IMMP1L: variants seen among roughly 807,000 people sequenced by gnomAD.
The protein encoded by IMMP1L is inner mitochondrial membrane peptidase subunit 1.
Under a neutral mutation model 21.8 loss-of-function variants are expected in IMMP1L, and 24 were observed. The observed-to-expected ratio is 1.10, with a 90% CI of 0.80 to 1.55. The LOEUF is 1.55. IMMP1L is among the 40% of genes most tolerant of loss of function. IMMP1L has a pLI of 0.00. For synonymous variants in IMMP1L, 46 were observed against 62.8 expected (o/e 0.73, Z 1.26); for missense variants, 195 against 200.7 (o/e 0.97, Z 0.17).
rs533471095 is a variant in IMMP1L, at chr11:31,476,962, T to A, written c.-29-13657A>T. 1.1e-4 allele frequency among the ~76,000 whole-genome samples: 16 copies of A among 152,290 alleles called. No individual in the cohort carries two copies. In the South Asian group the frequency reaches 3.3e-3, roughly 32 times the overall value. On this transcript the variant is annotated intron_variant, in intron 1 of 5. Coordinates refer to ENST00000532287, the MANE Select transcript of IMMP1L (RefSeq NM_001304274.2). ...AACCTCCATCTAAAGGAAAAGTTAC[T>A]AAGAATCACTGATTTTTAAAAATAA...
chr11:31,445,509 G>A (rs924359876), intron 4 of IMMP1L, among the ~76,000 whole-genome samples: 8 of 152,148 alleles, frequency 5.3e-5, no homozygotes, highest in African/African-American at 1.9e-4. Context: ...CTTCAAAAAA[G>A]AAATGATTAA....
chr11:31,470,960 G>A (rs1333434234), intron 1 of IMMP1L, among the ~76,000 whole-genome samples: 2 of 152,186 alleles, frequency 1.3e-5, no homozygotes, highest in Non-Finnish European at 2.9e-5. Flanking sequence ...GATTATTAGA[G>A]GCTGGAAAGT....
chr11:31,463,338 A>C (rs1056478448), intron 1 of IMMP1L, 33 bp from the exon 2 acceptor site: 3 of 1,534,746 alleles, frequency 2.0e-6, no homozygotes, highest in Non-Finnish European at 2.6e-6. Context: ...TTCATGATCA[A>C]TACTATTTAA....
chr11:31,505,476 A>C (rs948233387), intron 1 of IMMP1L, among the ~76,000 whole-genome samples: 1 of 152,210 alleles, frequency 6.6e-6, no homozygotes, highest in East Asian at 1.9e-4. Context: ...ACATTAGGCA[A>C]TCTGGCAGAA....
chr11:31,437,453 G>A (rs903612698), intron 4 of IMMP1L, among the ~76,000 whole-genome samples: 3 of 152,022 alleles, frequency 2.0e-5, no homozygotes, highest in Admixed American at 6.6e-5. Flanking sequence ...ATTGGATTTC[G>A]CATATTCAGA....
Position 31,494,399 on chromosome 11 carries a change from G to T in IMMP1L, c.-30+15120C>A, listed in dbSNP as rs138916210. 2.6e-4 allele frequency among the ~76,000 whole-genome samples: 40 copies of T among 152,296 alleles called. 1 individual carries two copies. Among genetic ancestry groups the T allele is most frequent in the African/African-American group, 9.4e-4 (39 of 41,572 alleles). ...TGGAGCTGACACAGCTGGGATGCAG[G>T]ACACCATGCCCCAGGACTGCACAGA... On this transcript the variant is annotated intron_variant, in intron 1 of 5. Transcript: ENST00000532287.
intron 1 of IMMP1L, among the ~76,000 whole-genome samples, chr11:31,480,340 T>C (rs530032422): frequency 6.6e-6 from 1 of 152,172 alleles, no homozygotes; most frequent in South Asian, 2.1e-4. Context: ...CTTTTGATCA[T>C]ATCATCAATG....
chr11:31,469,407 A>T (rs1417075968), intron 1 of IMMP1L, among the ~76,000 whole-genome samples: 1 of 152,218 alleles, frequency 6.6e-6, no homozygotes, highest in Non-Finnish European at 1.5e-5. Flanking sequence ...AAATCTATTA[A>T]AAATCAAATG....
At chr11:31,488,069 A>AT (rs1208688417) in intron 1 of IMMP1L, 1 of 152,176 alleles carries the variant, frequency 6.6e-6, no homozygotes, top group Non-Finnish European at 1.5e-5. Flanking sequence ...TACAACAGTC[A>AT]TAAGAGTTAA....
At chr11:31,507,899 G>A (rs573294730) in intron 1 of IMMP1L, among the ~76,000 whole-genome samples, 46 of 152,100 alleles carry the variant, frequency 3.0e-4, no homozygotes, top group African/African-American at 9.4e-4. Flanking sequence ...TAACGATTCC[G>A]GAATGTACAT....
chr11:31,486,381 T>G (rs1174655354), intron 1 of IMMP1L, among the ~76,000 whole-genome samples: 3 of 151,880 alleles, frequency 2.0e-5, no homozygotes, highest in Non-Finnish European at 2.9e-5. Flanking sequence ...CTAAATAGAA[T>G]AAGTGTGCTA....
chr11:31,453,779 CT>C (rs763513345), intron 4 of IMMP1L, among the ~76,000 whole-genome samples: 6 of 152,160 alleles, frequency 3.9e-5, no homozygotes, highest in Non-Finnish European at 7.4e-5. Context: ...AATACTGCCC[CT>C]GATCAGAAAT....
At chr11:31,504,346 C>T (rs1026824325) in intron 1 of IMMP1L, among the ~76,000 whole-genome samples, 1 of 152,254 alleles carries the variant, frequency 6.6e-6, no homozygotes, top group East Asian at 1.9e-4. Context: ...AGAACTCCTA[C>T]AAATCCATGG....
At position 31,466,342 on chromosome 11, in the gene IMMP1L, G is replaced by A. The variant is rs183770004; in HGVS notation, c.-29-3037C>T. ...TTAGTACAGTCATGGAAAACAGTGT[G>A]GAGGTTTCTTTAAAAACTCTAGAGA... On this transcript the variant is annotated intron_variant, in intron 1 of 5. Coordinates refer to ENST00000532287, the MANE Select transcript of IMMP1L (RefSeq NM_001304274.2). Among the ~76,000 whole-genome samples, 1,066 of 152,112 alleles carry A rather than the reference G, an allele frequency of 7.0e-3. 15 individuals are homozygous for A. Among genetic ancestry groups the A allele is most frequent in the African/African-American group, 0.024 (1,011 of 41,528 alleles).
chr11:31,495,010 C>T (rs769623877), intron 1 of IMMP1L, among the ~76,000 whole-genome samples: 20 of 152,240 alleles, frequency 1.3e-4, no homozygotes, highest in Middle Eastern at 6.8e-3. Flanking sequence ...TTTCTTCCAC[C>T]AGATACCCTA....
In IMMP1L at chr11:31,509,600, T is replaced by G; in HGVS notation, c.-111A>C. On this transcript the variant is annotated 5_prime_UTR_variant, in exon 1 of 6. Transcript: ENST00000532287. The stretch of plus-strand genomic sequence containing the variant: ...ACCTGGGCCCCGCCGAAGTCGACCG[T>G]CCTTTCGTAGGGCGCACTTTTCAGC... 1.6e-6 allele frequency: 1 copy of G among 643,720 alleles called. No individual in the cohort carries two copies. The highest frequency in any genetic ancestry group is 1.9e-5 in the South Asian group (1 of 51,466). 39.9% of individuals were successfully genotyped at this position (643,720 alleles called of 1,614,324 possible).
chr11:31,453,430 T>G (rs891052975), intron 4 of IMMP1L, among the ~76,000 whole-genome samples: 1 of 152,186 alleles, frequency 6.6e-6, no homozygotes, highest in Admixed American at 6.5e-5. Context: ...AATCAAGATA[T>G]GAATAGCAGG....
In IMMP1L at chr11:31,464,943, G is replaced by A. The variant is rs187179222; in HGVS notation, c.-29-1638C>T. Reference sequence around the variant, plus strand: ...CATAGTAACGGAAGTCACAGCCATAGCAATTAGGCAAAATAAAGAAATAAA... The same window carrying A: ...CATAGTAACGGAAGTCACAGCCATAACAATTAGGCAAAATAAAGAAATAAA... On this transcript the variant is annotated intron_variant, in intron 1 of 5. Transcript: ENST00000532287. 1.1e-4 allele frequency among the ~76,000 whole-genome samples: 16 copies of A among 152,210 alleles called. No homozygotes were observed. In the East Asian group the frequency reaches 2.9e-3, roughly 28 times the overall value.
At chr11:31,450,562 C>T (rs772261236) in intron 4 of IMMP1L, among the ~76,000 whole-genome samples, 6 of 152,092 alleles carry the variant, frequency 3.9e-5, no homozygotes, top group African/African-American at 1.2e-4. Context: ...CCTGGTACAC[C>T]GTAAGAGGAA....
Sources: allele counts gnomAD v4.1 joint callset (sites outside exome capture counted in the v4.1 genomes callset), GRCh38; gene constraint gnomAD v4.1.1; transcripts MANE v1.5; gene names NCBI Gene and HGNC (gene_info 2026-07-23, HGNC 2026-07-21).